WDR72: variants seen among roughly 807,000 people sequenced by gnomAD.
WDR72 encodes WD repeat-containing protein 72.
A neutral mutation model predicts 124.2 loss-of-function variants in WDR72; 120 were observed. The ratio of observed to expected loss-of-function variants is 0.97; its 90% confidence interval spans 0.83 to 1.12. The LOEUF (loss-of-function observed/expected upper bound fraction) is 1.12. Among genes scored for constraint, WDR72 ranks in the 50% most tolerant of loss-of-function variants. The pLI, the probability that WDR72 is intolerant of heterozygous loss-of-function variation, is 0.00. For missense variants in WDR72, 1,387 were observed against 1,278.8 expected, an observed-to-expected ratio of 1.08 and a Z score of -1.29; for synonymous variants, 452 against 441.7, an observed-to-expected ratio of 1.02 and a Z score of -0.29.
At chr15:53,701,575 A>T (rs1210523286) in intron 12 of WDR72, among the ~76,000 whole-genome samples, 4 of 131,556 alleles carry the variant, frequency 3.0e-5, no homozygotes, top group East Asian at 2.4e-4. Flanking sequence ...ACACACACAC[A>T]CACACACACA....
At chr15:53,595,068 A>G (rs2012706864) in intron 18 of WDR72, among the ~76,000 whole-genome samples, 1 of 152,068 alleles carries the variant, frequency 6.6e-6, no homozygotes. Flanking sequence ...TTTTGTGAAT[A>G]TGTTCTTGTT....
intron 18 of WDR72, among the ~76,000 whole-genome samples, chr15:53,551,495 C>A (rs1893726624): frequency 6.6e-6 from 1 of 152,106 alleles, no homozygotes; most frequent in South Asian, 2.1e-4. Flanking sequence ...CACCCAGAAT[C>A]AGGAGATGCG....
At chr15:53,566,204 A>C (rs1894289119) in intron 18 of WDR72, among the ~76,000 whole-genome samples, 1 of 152,094 alleles carries the variant, frequency 6.6e-6, no homozygotes, top group South Asian at 2.1e-4. Context: ...ACAGAGGCTC[A>C]TAGTTAATTA....
chr15:53,590,150 A>G (rs2012423912), intron 18 of WDR72, among the ~76,000 whole-genome samples: 1 of 151,944 alleles, frequency 6.6e-6, no homozygotes, highest in South Asian at 2.1e-4. Flanking sequence ...GAGATTGTCT[A>G]TTAGATAATT....
intron 1 of WDR72, among the ~76,000 whole-genome samples, chr15:53,749,334 GGTGGTCT>G (rs2018719195): frequency 6.6e-6 from 1 of 152,000 alleles, no homozygotes; most frequent in Non-Finnish European, 1.5e-5. Flanking sequence ...TATCTGTTGT[GGTGGTCT>G]GTGATCGTAA....
intron 17 of WDR72, among the ~76,000 whole-genome samples, chr15:53,599,581 GA>G (rs2012948606): frequency 6.6e-6 from 1 of 152,040 alleles, no homozygotes; most frequent in African/African-American, 2.4e-5. Flanking sequence ...GATATTGGAG[GA>G]TATCCTAAGA....
chr15:53,626,636 G>T (rs944698551), intron 14 of WDR72, among the ~76,000 whole-genome samples: 2 of 152,194 alleles, frequency 1.3e-5, no homozygotes, highest in Non-Finnish European at 2.9e-5. Context: ...TTTCTATCCC[G>T]ATCTTTGTCC....
At position 53,699,803 on chromosome 15, in the gene WDR72, A is replaced by G; in HGVS notation, c.1712T>C (p.Phe571Ser). 3.7e-6 allele frequency: 6 copies of G among 1,614,168 alleles called. No individual in the cohort carries two copies. Among genetic ancestry groups the G allele is most frequent in the Non-Finnish European group, 4.2e-6 (5 of 1,180,032 alleles). The change falls in exon 13 of 20, where the codon TTT (phenylalanine) becomes TCT (serine). Residue 571 changes from phenylalanine (F) to serine (S), a missense_variant. Transcript: ENST00000360509. ...GTCATCTGCACATCCAACAATTAAAAAATTCTCAACCGGGTGCCATTTTAT... is the reference window on the plus strand; with the variant it reads ...GTCATCTGCACATCCAACAATTAAAGAATTCTCAACCGGGTGCCATTTTAT... Reference protein sequence around the residue: ...RMIKWHPVENFLIVGCADDSV... With the variant: ...RMIKWHPVENSLIVGCADDSV...
chr15:53,672,619 T>C (rs577038968), intron 13 of WDR72, among the ~76,000 whole-genome samples: 9 of 152,222 alleles, frequency 5.9e-5, no homozygotes, highest in Admixed American at 1.3e-4. Context: ...GATGCAGCCT[T>C]CAACTGCAGT....
chr15:53,721,155 A>G, intron 3 of WDR72, among the ~76,000 whole-genome samples: 1 of 152,206 alleles, frequency 6.6e-6, no homozygotes, highest in Non-Finnish European at 1.5e-5. Flanking sequence ...TAGAAAATTC[A>G]AATCAACTTG....
intron 1 of WDR72, among the ~76,000 whole-genome samples, chr15:53,754,609 A>G (rs2018853940): frequency 6.6e-6 from 1 of 152,160 alleles, no homozygotes; most frequent in Non-Finnish European, 1.5e-5. Flanking sequence ...TCATGGGTGT[A>G]TAAGAGCCTG....
At chr15:53,747,772 A>C (rs1211983424) in intron 1 of WDR72, among the ~76,000 whole-genome samples, 6 of 152,208 alleles carry the variant, frequency 3.9e-5, no homozygotes, top group Non-Finnish European at 8.8e-5. Flanking sequence ...AGTCATTGTC[A>C]AGGAAATGAG....
chr15:53,730,265 C>G (rs2140603249), intron 2 of WDR72, among the ~76,000 whole-genome samples: 1 of 152,270 alleles, frequency 6.6e-6, no homozygotes, highest in East Asian at 1.9e-4. Flanking sequence ...ATAAGCCAAT[C>G]ACAGACAAAT....
chr15:53,585,798 G>T (rs560797569), intron 18 of WDR72, among the ~76,000 whole-genome samples: 142 of 152,050 alleles, frequency 9.3e-4, no homozygotes, highest in Non-Finnish European at 1.8e-3. Flanking sequence ...CTGCTCCAAC[G>T]CTGGGTCAGA....
At chr15:53,522,900 A>T (rs922331335) in intron 19 of WDR72, among the ~76,000 whole-genome samples, 1 of 152,028 alleles carries the variant, frequency 6.6e-6, no homozygotes, top group African/African-American at 2.4e-5. Flanking sequence ...TGAAATATTT[A>T]AAATGTTGCC....
At chr15:53,555,796 T>C (rs1893908739) in intron 18 of WDR72, among the ~76,000 whole-genome samples, 1 of 152,118 alleles carries the variant, frequency 6.6e-6, no homozygotes, top group African/African-American at 2.4e-5. Context: ...ACTGTAGTAT[T>C]ACCTTGCAAA....
chr15:53,712,260 A>G (rs962348740), intron 7 of WDR72, among the ~76,000 whole-genome samples: 1 of 152,178 alleles, frequency 6.6e-6, no homozygotes, highest in Admixed American at 6.5e-5. Context: ...ATGATATTAA[A>G]TATGTAGTAG....
chr15:53,576,596 C>T (rs1055401076), intron 18 of WDR72, among the ~76,000 whole-genome samples: 5 of 151,932 alleles, frequency 3.3e-5, no homozygotes, highest in African/African-American at 1.2e-4. Context: ...TCTCTTCTTC[C>T]CCCACCCCTA....
intron 18 of WDR72, among the ~76,000 whole-genome samples, chr15:53,533,376 C>A (rs1390823626): frequency 4.0e-5 from 2 of 50,074 alleles, no homozygotes; most frequent in African/African-American, 8.1e-5. Context: ...TTCCTTCAAC[C>A]CATTAAGATA....
Sources: gnomAD v4.1 joint callset for allele counts (sites outside exome capture counted in the v4.1 genomes callset) on GRCh38, gnomAD v4.1.1 for gene constraint, MANE v1.5 for transcripts, NCBI Gene and HGNC (gene_info 2026-07-23, HGNC 2026-07-21) for gene names.